RUNX1T1: variants seen among roughly 807,000 people sequenced by gnomAD.
The protein encoded by RUNX1T1 is RUNX1 partner transcriptional co-repressor 1.
Under a neutral mutation model 62.8 loss-of-function variants are expected in RUNX1T1, and 4 were observed. The ratio of observed to expected loss-of-function variants is 0.06; its 90% CI spans 0.03 to 0.15. The LOEUF (loss-of-function observed/expected upper bound fraction) is 0.15, where lower values mean the gene tolerates loss of function less well. RUNX1T1 is among the 10% of genes least tolerant of loss of function. The pLI is 1.00. For missense variants in RUNX1T1, 508 were observed against 754.3 expected, an observed-to-expected ratio of 0.67 and a Z score of 3.82; for synonymous variants, 291 against 286.0, an observed-to-expected ratio of 1.02 and a Z score of -0.18.
At chr8:92,056,770 T>A (rs1181033974) in intron 1 of RUNX1T1, among the ~76,000 whole-genome samples, 1 of 152,186 alleles carries the variant, frequency 6.6e-6, no homozygotes, top group African/African-American at 2.4e-5. Flanking sequence ...ACGTGCTTTT[T>A]TTTAGCTACA....
chr8:91,985,307 T>TCA (rs1816324113), intron 8 of RUNX1T1, among the ~76,000 whole-genome samples: 1 of 152,160 alleles, frequency 6.6e-6, no homozygotes, highest in Admixed American at 6.6e-5. Flanking sequence ...AGGTAAAAGT[T>TCA]CACAGGCCAC....
exon 11 of RUNX1T1, chr8:91,959,027 G>A (rs775875989): frequency 4.8e-6 from 1 of 209,258 alleles, no homozygotes; most frequent in African/African-American, 2.3e-5. Flanking sequence ...GAAAGATACA[G>A]GTTTCTCACC....
At chr8:92,071,796 AC>A (rs1292016478) in intron 2 of RUNX1T1, among the ~76,000 whole-genome samples, 1 of 152,068 alleles carries the variant, frequency 6.6e-6, no homozygotes, top group Non-Finnish European at 1.5e-5. Flanking sequence ...TATGAGCCTG[AC>A]CCCGAAGCTG....
chr8:92,055,312 A>G (rs1456198352), intron 1 of RUNX1T1, among the ~76,000 whole-genome samples: 3 of 152,252 alleles, frequency 2.0e-5, no homozygotes, highest in Non-Finnish European at 2.9e-5. Context: ...AACAATGTCA[A>G]CAACAGGTAA....
At chr8:92,046,110 T>C (rs1184508407) in intron 1 of RUNX1T1, among the ~76,000 whole-genome samples, 1 of 152,172 alleles carries the variant, frequency 6.6e-6, no homozygotes, top group Non-Finnish European at 1.5e-5. Flanking sequence ...CCGACTCATG[T>C]ATCATTTCAG....
At chr8:91,961,272 C>T (rs188415208) in intron 10 of RUNX1T1, among the ~76,000 whole-genome samples, 11 of 152,316 alleles carry the variant, frequency 7.2e-5, no homozygotes, top group East Asian at 3.9e-4. Flanking sequence ...AATTAGACTA[C>T]GCCTTATTTG....
At chr8:92,056,608 CTTT>C (rs199811616) in intron 1 of RUNX1T1, among the ~76,000 whole-genome samples, 3 of 144,824 alleles carry the variant, frequency 2.1e-5, no homozygotes, top group African/African-American at 7.5e-5. Flanking sequence ...AAATCAACTG[CTTT>C]TTTTTTTTTC....
At chr8:92,011,179 C>T (rs1821846450) in intron 3 of RUNX1T1, 88 bp from the exon 5 acceptor site, 1 of 722,324 alleles carries the variant, frequency 1.4e-6, no homozygotes, top group East Asian at 2.6e-5. Flanking sequence ...ACTGGTACAA[C>T]ACAGTGTAAT....
intron 5 of RUNX1T1, among the ~76,000 whole-genome samples, chr8:91,997,228 A>G (rs1818878526): frequency 6.6e-6 from 1 of 152,226 alleles, no homozygotes; most frequent in Non-Finnish European, 1.5e-5. Context: ...TAACATTTAT[A>G]TAAAACAGTG....
intron 3 of RUNX1T1, among the ~76,000 whole-genome samples, chr8:92,013,551 A>G (rs1186697167): frequency 6.6e-6 from 1 of 152,158 alleles, no homozygotes; most frequent in Non-Finnish European, 1.5e-5. Flanking sequence ...GAAAGTGGAG[A>G]CGACCATAAC....
chr8:91,980,648 T>C (rs1001563951), intron 8 of RUNX1T1, among the ~76,000 whole-genome samples: 1 of 152,174 alleles, frequency 6.6e-6, no homozygotes, highest in African/African-American at 2.4e-5. Context: ...TCTTTAAAGT[T>C]CTTTTTGATT....
At chr8:92,022,977 C>A (rs1824408105) in intron 1 of RUNX1T1, among the ~76,000 whole-genome samples, 1 of 152,172 alleles carries the variant, frequency 6.6e-6, no homozygotes, top group African/African-American at 2.4e-5. Flanking sequence ...GGTACTCTTC[C>A]TCTTCCCACA....
At chr8:92,017,097 A>AT (rs976341362) in intron 2 of RUNX1T1, 129 bp downstream of exon 3, 39 of 687,466 alleles carry the variant, frequency 5.7e-5, no homozygotes, top group South Asian at 1.6e-4. Flanking sequence ...CAAACAAATG[A>AT]TTTTTTTTGG....
chr8:92,008,280 C>CG (rs1554617839), intron 4 of RUNX1T1, among the ~76,000 whole-genome samples: 1 of 151,476 alleles, frequency 6.6e-6, no homozygotes, highest in Non-Finnish European at 1.5e-5. Context: ...GATGAGGAAG[C>CG]GGGGGGGAAG....
chr8:91,977,377 G>C (rs1268672008), intron 8 of RUNX1T1: 1 of 193,952 alleles, frequency 5.2e-6, no homozygotes, highest in African/African-American at 2.3e-5. Flanking sequence ...GCATTCTCCT[G>C]TGTATATTCA....
At chr8:92,003,394 G>A (rs1173588452) in intron 5 of RUNX1T1, 1 of 456,142 alleles carries the variant, frequency 2.2e-6, no homozygotes, top group Admixed American at 2.4e-5. Flanking sequence ...GAAATACAGA[G>A]AAATGAATGA....
intron 8 of RUNX1T1, among the ~76,000 whole-genome samples, chr8:91,983,261 T>G (rs1013581351): frequency 1.1e-4 from 17 of 152,012 alleles, no homozygotes; most frequent in Non-Finnish European, 2.5e-4. Context: ...CAATTAGTAA[T>G]AGATTAATCG....
rs114766907 is a variant in RUNX1T1, at chr8:91,997,427, A to G, written c.660-5538T>C. Among the ~76,000 whole-genome samples, 1,441 of 152,250 alleles carry G rather than the reference A, an allele frequency of 9.5e-3. 22 individuals carry two copies. The highest frequency in any genetic ancestry group is 0.033 in the African/African-American group (1,373 of 41,526). On this transcript the variant is annotated intron_variant, in intron 5 of 10. Transcript: ENST00000396218. ...GGGGAAGGCAAATTGGTAGAGCACA[A>G]TAAACCTAAGAAAGAAGAAACTTAA...
At position 91,997,084 on chromosome 8, in the gene RUNX1T1, G is replaced by A. The variant is rs34957352; in HGVS notation, c.660-5195C>T. On this transcript the variant is annotated intron_variant, in intron 5 of 10. Coordinates refer to ENST00000396218, the Ensembl canonical transcript of RUNX1T1. ...AGAGGTTGCAACGAACCAAGATCGC[G>A]CCACTGCACTCCAGCCTAGGTGACA... 5.3e-5 allele frequency among the ~76,000 whole-genome samples: 8 copies of A among 152,070 alleles called. 1 individual carries two copies. Among genetic ancestry groups the A allele is most frequent in the Admixed American group, 3.3e-4 (5 of 15,258 alleles).
Sources: gnomAD v4.1 joint callset for allele counts (sites outside exome capture counted in the v4.1 genomes callset) on GRCh38, gnomAD v4.1.1 for gene constraint, MANE v1.5 for transcripts, NCBI Gene and HGNC (gene_info 2026-07-23, HGNC 2026-07-21) for gene names.